Variants in ST3GAL4 observed in about 807,000 individuals in gnomAD.
ST3GAL4 encodes the protein CMP-N-acetylneuraminate-beta-galactosamide-alpha-2,3-sialyltransferase 4.
A neutral mutation model predicts 42.6 loss-of-function variants in ST3GAL4; 24 were observed. The observed-to-expected ratio is 0.56, with a 90% CI of 0.41 to 0.79. The LOEUF is 0.79. Among genes scored for constraint, ST3GAL4 ranks in the 30% least tolerant of loss-of-function variants. ST3GAL4 has a pLI of 0.00. For synonymous variants in ST3GAL4, 135 were observed against 163.2 expected (o/e 0.83, Z 1.32); for missense variants, 311 against 430.8 (o/e 0.72, Z 2.46).
At chr11:126,407,729 A>G in intron 6 of ST3GAL4, 95 bp downstream of exon 6, 1 of 1,259,794 alleles carries the variant, frequency 7.9e-7, no homozygotes, top group Non-Finnish European at 1.1e-6. Flanking sequence ...TCTGTGAAAC[A>G]GTCATGGACT....
chr11:126,408,592 A>G, intron 8 of ST3GAL4, 96 bp downstream of exon 8: 2 of 1,435,540 alleles, frequency 1.4e-6, no homozygotes, highest in South Asian at 1.3e-5. Context: ...GGCAGTCCTA[A>G]AGAGGCTGTG....
chr11:126,396,668 G>A lies in ST3GAL4; in HGVS notation c.-60-9428G>A, dbSNP rs1325894447. Among the ~76,000 whole-genome samples the A allele has an allele frequency of 4.6e-5, 7 of 151,380 alleles. No homozygotes were observed. The highest frequency in any genetic ancestry group is 2.1e-4 in the South Asian group (1 of 4,810). On this transcript the variant is annotated intron_variant, in intron 1 of 10. Transcript: ENST00000444328. The surrounding 1 kb of genome is among the most constrained non-coding windows in gnomAD (Gnocchi z 5.8). ...TGTGTAGGGCAGGGGTGGACATCCC[G>A]GGGATCGTGGAGTCTAGGGAGCCAG...
intron 1 of ST3GAL4, among the ~76,000 whole-genome samples, chr11:126,357,639 T>C (rs1169643502): frequency 6.6e-6 from 1 of 152,126 alleles, no homozygotes; most frequent in Non-Finnish European, 1.5e-5. Context: ...AAGAATCTGC[T>C]CCTTTCTGGA....
In ST3GAL4 at chr11:126,410,722, C is replaced by T. The variant is rs1034412452; in HGVS notation, c.771+1311C>T. ...CCAGGCCCCGAGTCTTCTTGCTTGG[C>T]GAGGAAGTTGTGCTCCTTGCTCTAA... On this transcript the variant is annotated intron_variant, in intron 9 of 10. Coordinates refer to ENST00000444328, the MANE Select transcript of ST3GAL4 (RefSeq NM_001254757.2). This position sits in a 1 kb window ranked among gnomAD's most constrained non-coding sequence, Gnocchi z 5.3. Among the ~76,000 whole-genome samples, 6 of 152,234 alleles carry T rather than the reference C, an allele frequency of 3.9e-5. No individual in the cohort carries two copies. The highest frequency in any genetic ancestry group is 4.1e-4 in the South Asian group (2 of 4,820).
At chr11:126,381,292 G>T (rs1263245559) in intron 1 of ST3GAL4, among the ~76,000 whole-genome samples, 1 of 152,166 alleles carries the variant, frequency 6.6e-6, no homozygotes, top group Non-Finnish European at 1.5e-5. Context: ...AGGTGTGTAG[G>T]GGTTCCCTGC....
Position 126,398,898 on chromosome 11 carries a change from G to T in ST3GAL4, c.-60-7198G>T, listed in dbSNP as rs1197559058. ...CACTGTGCCCAAATGTGGGAGCAGA[G>T]ACTTGAGGTGGCCCTGGACAGTGAG... On this transcript the variant is annotated intron_variant, in intron 1 of 10. Coordinates refer to ENST00000444328, the MANE Select transcript of ST3GAL4 (RefSeq NM_001254757.2). The surrounding 1 kb of genome is among the most constrained non-coding windows in gnomAD (Gnocchi z 4.7). Among the ~76,000 whole-genome samples, 1 of 152,164 alleles carries T rather than the reference G, an allele frequency of 6.6e-6. No individual in the cohort carries two copies. Among genetic ancestry groups the T allele is most frequent in the African/African-American group, 2.4e-5 (1 of 41,420 alleles).
At chr11:126,388,969 G>C (rs1194001684) in intron 1 of ST3GAL4, among the ~76,000 whole-genome samples, 1 of 151,498 alleles carries the variant, frequency 6.6e-6, no homozygotes, top group African/African-American at 2.4e-5. Flanking sequence ...GTAGAGACGG[G>C]GTTTCACCAT....
intron 8 of ST3GAL4, chr11:126,408,935 T>C (rs995113272): frequency 4.8e-6 from 2 of 419,408 alleles, no homozygotes; most frequent in Non-Finnish European, 8.6e-6. Context: ...AACTGTCCCA[T>C]CTGGCATTTT....
chr11:126,406,376 G>C lies in ST3GAL4; in HGVS notation c.17-97G>C. 6.3e-7 allele frequency: 1 copy of C among 1,592,268 alleles called. No individual in the cohort carries two copies. The highest frequency in any genetic ancestry group is 1.1e-5 in the South Asian group (1 of 88,498). ...GCCAGAGACTGCTTCTGTTGAGTTA[G>C]GGGTCGGAGGGACTCAGAAGGGGGC... On this transcript the variant is annotated intron_variant, in intron 2 of 10. Coordinates refer to ENST00000444328, the MANE Select transcript of ST3GAL4 (RefSeq NM_001254757.2). The surrounding 1 kb of genome is among the most constrained non-coding windows in gnomAD (Gnocchi z 5.4).
In ST3GAL4 at chr11:126,414,194, A is replaced by T; in HGVS notation, c.*147A>T. On this transcript the variant is annotated 3_prime_UTR_variant, in exon 11 of 11. Transcript: ENST00000444328. ...AGTTCTGGGCCTGGCCAGGTCTGAG[A>T]TGAGGCCATGCCCCTGGCTGCTCTT... is the stretch of plus-strand genomic sequence containing the variant. 1.3e-6 allele frequency: 1 copy of T among 744,994 alleles called. No individual in the cohort carries two copies. Among genetic ancestry groups the T allele is most frequent in the Non-Finnish European group, 2.3e-6 (1 of 431,898 alleles). 46.1% of individuals were successfully genotyped at this position (744,994 alleles called of 1,614,324 possible). A position where few individuals can be genotyped will look rare whatever the true frequency, so the allele number is the denominator to read the frequency against.
At chr11:126,405,843 A>ACCGAGTC (rs1954204022) in intron 1 of ST3GAL4, 4 of 522,956 alleles carry the variant, frequency 7.6e-6, no homozygotes, top group South Asian at 4.3e-5. Flanking sequence ...CTGGCTTGGG[A>ACCGAGTC]CCGAGTCCCG....
At chr11:126,368,311 A>G (rs1952513315) in intron 1 of ST3GAL4, among the ~76,000 whole-genome samples, 1 of 152,204 alleles carries the variant, frequency 6.6e-6, no homozygotes. Flanking sequence ...CAGCCTGGCC[A>G]ATATGGTGAA....
rs993718031 is a variant in ST3GAL4, at chr11:126,392,385, A to T, written c.-60-13711A>T. The T allele has an allele frequency of 7.1e-6, 7 of 985,692 alleles. No individual in the cohort carries two copies. In the African/African-American group the frequency reaches 1.2e-4, roughly 17 times the overall value. The allele number at this position is 985,692 out of a possible 1,614,324, so 61.1% of individuals were successfully genotyped here. A position where few individuals can be genotyped will look rare whatever the true frequency, so the allele number is the denominator to read the frequency against. On this transcript the variant is annotated intron_variant, in intron 1 of 10. Coordinates refer to ENST00000444328, the MANE Select transcript of ST3GAL4 (RefSeq NM_001254757.2). This position sits in a 1 kb window ranked among gnomAD's most constrained non-coding sequence, Gnocchi z 5.8. ...TGGTTAAGATCAGTCGGACATGACA[A>T]CCTCCAGTTCTGCAGAAGCCACTTC...
In ST3GAL4 at chr11:126,396,415, C is replaced by T. The variant is rs960087742; in HGVS notation, c.-60-9681C>T. Among the ~76,000 whole-genome samples, 3 of 151,994 alleles carry T rather than the reference C, an allele frequency of 2.0e-5. No homozygotes were observed. Among genetic ancestry groups the T allele is most frequent in the African/African-American group, 4.8e-5 (2 of 41,284 alleles). On this transcript the variant is annotated intron_variant, in intron 1 of 10. Coordinates refer to ENST00000444328, the MANE Select transcript of ST3GAL4 (RefSeq NM_001254757.2). This position sits in a 1 kb window ranked among gnomAD's most constrained non-coding sequence, Gnocchi z 5.8. ...GTGGGATGTGGCTGCAAAAAATGGT[C>T]GGATTCATGGAAGTCTGGTGTCCAG...
In ST3GAL4 at chr11:126,397,935, T is replaced by G. The variant is rs1261815231; in HGVS notation, c.-60-8161T>G. 1.7e-5 allele frequency among the ~76,000 whole-genome samples: 2 copies of G among 119,736 alleles called. No homozygotes were observed. The highest frequency in any genetic ancestry group is 3.7e-5 in the Non-Finnish European group (2 of 53,604). 78.6% of individuals were successfully genotyped at this position (119,736 alleles called of 152,430 possible). The stretch of plus-strand genomic sequence containing the variant: ...CTTATGAGACCCCACCTCACAACAT[T>G]GTTAACATTTAGGATCAAGTTTCTA... On this transcript the variant is annotated intron_variant, in intron 1 of 10. Transcript: ENST00000444328. The surrounding 1 kb of genome is among the most constrained non-coding windows in gnomAD (Gnocchi z 5.0).
chr11:126,377,205 CTGTCGCCCAGGCTGGAGTGTAG>C (rs1355227232), intron 1 of ST3GAL4, among the ~76,000 whole-genome samples: 1 of 152,028 alleles, frequency 6.6e-6, no homozygotes, highest in Non-Finnish European at 1.5e-5. Context: ...GAGTCTTACT[CTGTCGCCCAGGCTGGAGTGTAG>C]TGGCGCAATC....
At position 126,366,613 on chromosome 11, in the gene ST3GAL4, C is replaced by G. The variant is rs953215130; in HGVS notation, c.-61+10771C>G. On this transcript the variant is annotated intron_variant, in intron 1 of 10. Transcript: ENST00000444328. This position sits in a 1 kb window ranked among gnomAD's most constrained non-coding sequence, Gnocchi z 4.2. ...GCCCTCCCCTCTGGCGAGTCTGCCTCTCACTCGCTCAGCCCCTTTAACCCT... is the reference window on the plus strand; with the variant it reads ...GCCCTCCCCTCTGGCGAGTCTGCCTGTCACTCGCTCAGCCCCTTTAACCCT... 3.3e-5 allele frequency among the ~76,000 whole-genome samples: 5 copies of G among 152,172 alleles called. No individual in the cohort carries two copies. Among genetic ancestry groups the G allele is most frequent in the Admixed American group, 1.3e-4 (2 of 15,286 alleles).
intron 1 of ST3GAL4, among the ~76,000 whole-genome samples, chr11:126,361,770 G>A (rs147593576): frequency 2.1e-4 from 32 of 152,190 alleles, no homozygotes; most frequent in African/African-American, 6.0e-4. Flanking sequence ...TGTGAGATTT[G>A]TATTCCTAGA....
chr11:126,384,443 T>G lies in ST3GAL4; in HGVS notation c.-60-21653T>G, dbSNP rs1953135416. Among the ~76,000 whole-genome samples, 1 of 152,012 alleles carries G rather than the reference T, an allele frequency of 6.6e-6. No individual in the cohort carries two copies. The highest frequency in any genetic ancestry group is 6.6e-5 in the Admixed American group (1 of 15,258). ...TCCCTGCTTGGGGATTTTGGGGTAC[T>G]GGGTTTGGATAGAGTGTGTCATCTG... is the stretch of plus-strand genomic sequence containing the variant. On this transcript the variant is annotated intron_variant, in intron 1 of 10. Transcript: ENST00000444328. The surrounding 1 kb of genome is among the most constrained non-coding windows in gnomAD (Gnocchi z 5.5).
Sources: gnomAD v4.1 joint callset for allele counts (sites outside exome capture counted in the v4.1 genomes callset) on GRCh38, gnomAD v4.1.1 for gene constraint, Gnocchi (gnomAD v3.1) non-coding constraint, MANE v1.5 for transcripts, NCBI Gene and HGNC (gene_info 2026-07-23, HGNC 2026-07-21) for gene names.